The following SLC12A6 variants were observed in gnomAD, a reference collection of about 807,000 sequenced individuals.
The protein encoded by SLC12A6 is K-Cl cotransporter 3.
Under a neutral mutation model 135.3 loss-of-function variants are expected in SLC12A6, and 66 were observed. The observed-to-expected ratio is 0.49, with a 90% CI of 0.40 to 0.60. SLC12A6 has a LOEUF of 0.60. Among genes scored for constraint, SLC12A6 ranks in the 20% least tolerant of loss-of-function variants. SLC12A6 has a pLI of 0.00. For synonymous variants in SLC12A6, 513 were observed against 508.8 expected (o/e 1.01, Z -0.11); for missense variants, 1,058 against 1,452.3 (o/e 0.73, Z 4.41).
Position 34,239,957 on chromosome 15 carries a change from T to G in SLC12A6, c.2436+704A>C, listed in dbSNP as rs1193129612. Among the ~76,000 whole-genome samples, 27 of 152,224 alleles carry G rather than the reference T, an allele frequency of 1.8e-4. 1 individual carries two copies. Among genetic ancestry groups the G allele is most frequent in the Admixed American group, 1.8e-3 (27 of 15,278 alleles). ...CCAAAATGAAATCCAGTAAAACTTT[T>G]TTTTTTAAATACTTTAAGTTTTAGG... On this transcript the variant is annotated intron_variant, in intron 19 of 25. Transcript: ENST00000354181.
At chr15:34,238,892 G>T in intron 20 of SLC12A6, 73 bp downstream of exon 20, 1 of 1,283,870 alleles carries the variant, frequency 7.8e-7, no homozygotes, top group Non-Finnish European at 1.1e-6. Flanking sequence ...ACTTTAGGAG[G>T]CTGGGGGTGA....
intron 2 of SLC12A6, among the ~76,000 whole-genome samples, chr15:34,300,724 C>T (rs1896186836): frequency 6.9e-6 from 1 of 145,148 alleles, no homozygotes; most frequent in Non-Finnish European, 1.5e-5. Flanking sequence ...ACCTGGGAGA[C>T]AGACATTGCA....
chr15:34,286,996 C>CTT (rs142253292), intron 2 of SLC12A6, among the ~76,000 whole-genome samples: 5 of 148,894 alleles, frequency 3.4e-5, no homozygotes, highest in Admixed American at 6.7e-5. Flanking sequence ...AAAGCAAGTA[C>CTT]TTTTTTTTTT....
chr15:34,284,832 C>G (rs1173459684), intron 2 of SLC12A6, among the ~76,000 whole-genome samples: 2 of 152,184 alleles, frequency 1.3e-5, no homozygotes, highest in East Asian at 1.9e-4. Flanking sequence ...CTTAGATACT[C>G]AGTCTGAAAG....
chr15:34,323,888 C>T (rs1889287298), intron 2 of SLC12A6, among the ~76,000 whole-genome samples: 2 of 150,770 alleles, frequency 1.3e-5, no homozygotes, highest in South Asian at 2.1e-4. Context: ...CTGCAATGAG[C>T]CCTAATTGTG....
chr15:34,260,841 T>A, intron 4 of SLC12A6, 85 bp downstream of exon 4: 1 of 737,130 alleles, frequency 1.4e-6, no homozygotes, highest in Non-Finnish European at 2.5e-6. Flanking sequence ...GCTTGTAAAA[T>A]TTTTAAACCA....
chr15:34,292,353 C>T (rs1895594026), intron 2 of SLC12A6, among the ~76,000 whole-genome samples: 1 of 152,192 alleles, frequency 6.6e-6, no homozygotes, highest in South Asian at 2.1e-4. Context: ...CTGATCCTTC[C>T]TCTGGAAGCT....
At chr15:34,333,381 C>T (rs1889990120) in intron 2 of SLC12A6, among the ~76,000 whole-genome samples, 4 of 152,128 alleles carry the variant, frequency 2.6e-5, no homozygotes, top group South Asian at 4.1e-4. Flanking sequence ...AGGCGCACGC[C>T]GTCACGCCTG....
At chr15:34,313,960 A>C (rs1463353874) in intron 2 of SLC12A6, among the ~76,000 whole-genome samples, 2 of 152,078 alleles carry the variant, frequency 1.3e-5, no homozygotes, top group Non-Finnish European at 2.9e-5. Context: ...AAAAAAAAAA[A>C]AAAGGTTTAT....
chr15:34,281,210 TAC>T (rs1405842048), intron 2 of SLC12A6, among the ~76,000 whole-genome samples: 1 of 152,210 alleles, frequency 6.6e-6, no homozygotes, highest in African/African-American at 2.4e-5. Context: ...ATGTTTCTAA[TAC>T]AAAGTAATGA....
At chr15:34,319,107 A>C (rs935715410) in intron 2 of SLC12A6, among the ~76,000 whole-genome samples, 1 of 151,686 alleles carries the variant, frequency 6.6e-6, no homozygotes, top group Non-Finnish European at 1.5e-5. Flanking sequence ...TATTTCACAC[A>C]AGAAAGATTA....
intron 15 of SLC12A6, 82 bp from the exon 16 acceptor site, chr15:34,244,154 T>C (rs950857810): frequency 9.4e-6 from 8 of 848,284 alleles, no homozygotes; most frequent in South Asian, 1.3e-5. Context: ...CTTTGCTGTA[T>C]TGAAGCCTGT....
At chr15:34,331,636 G>A (rs1889856637) in intron 2 of SLC12A6, among the ~76,000 whole-genome samples, 1 of 152,094 alleles carries the variant, frequency 6.6e-6, no homozygotes, top group Non-Finnish European at 1.5e-5. Flanking sequence ...TATTACACTA[G>A]GTGTAAATGA....
At chr15:34,281,934 AATTTTT>A (rs148157432) in intron 2 of SLC12A6, among the ~76,000 whole-genome samples, 4,146 of 152,302 alleles carry the variant, frequency 0.027, 190 homozygotes, top group African/African-American at 0.095. Context: ...TCCTTATTTT[AATTTTT>A]AATGTAATAA....
At position 34,337,530 on chromosome 15, in the gene SLC12A6, C is replaced by G. The variant is rs1264346836; in HGVS notation, c.-271G>C. On this transcript the variant is annotated 5_prime_UTR_variant, in exon 1 of 26. Transcript: ENST00000354181. ...CGTAGCTAGTCCACTGAGCCACGGT[C>G]CGCTCGCTAGGTTTCTCCTGCGTGT... is the stretch of plus-strand genomic sequence containing the variant. 6.6e-6 allele frequency: 1 copy of G among 152,310 alleles called. No homozygotes were observed. The highest frequency in any genetic ancestry group is 2.4e-5 in the African/African-American group (1 of 41,448). The allele number at this position is 152,310 out of a possible 1,614,324, so 9.4% of individuals were successfully genotyped here.
chr15:34,293,768 T>TA (rs1566846465), intron 2 of SLC12A6, among the ~76,000 whole-genome samples: 2 of 152,154 alleles, frequency 1.3e-5, no homozygotes, highest in Admixed American at 6.5e-5. Context: ...CCTTGCTAAT[T>TA]AAAAAAATGT....
At chr15:34,243,904 T>C in intron 16 of SLC12A6, 70 bp downstream of exon 16, 1 of 937,036 alleles carries the variant, frequency 1.1e-6, no homozygotes, top group South Asian at 1.3e-5. Context: ...ACCCAGACTC[T>C]CCTAGTTTTC....
chr15:34,295,048 T>C (rs1895790934), intron 2 of SLC12A6, among the ~76,000 whole-genome samples: 1 of 152,224 alleles, frequency 6.6e-6, no homozygotes, highest in Non-Finnish European at 1.5e-5. Flanking sequence ...TAGAAAGAAT[T>C]ATCAACAGTT....
intron 2 of SLC12A6, among the ~76,000 whole-genome samples, chr15:34,290,472 A>G (rs1328338310): frequency 3.3e-5 from 5 of 152,062 alleles, no homozygotes; most frequent in Admixed American, 2.0e-4. Context: ...TGGGGTGGAG[A>G]GTTCTGTAGA....
Sources: allele counts gnomAD v4.1 joint callset (sites outside exome capture counted in the v4.1 genomes callset), GRCh38; gene constraint gnomAD v4.1.1; transcripts MANE v1.5; gene names NCBI Gene and HGNC (gene_info 2026-07-23, HGNC 2026-07-21).